Variants in MEX3C observed in about 807,000 individuals in gnomAD.
MEX3C encodes RNA-binding E3 ubiquitin-protein ligase MEX3C.
Under a neutral mutation model 35.5 loss-of-function variants are expected in MEX3C, and 15 were observed. The ratio of observed to expected loss-of-function variants is 0.42; its 90% CI spans 0.28 to 0.65. The LOEUF (loss-of-function observed/expected upper bound fraction) is 0.65. MEX3C is among the 30% of genes least tolerant of loss of function. MEX3C has a pLI of 0.20. For synonymous variants in MEX3C, 390 were observed against 352.8 expected (o/e 1.11, Z -1.18); for missense variants, 711 against 842.8 (o/e 0.84, Z 1.94).
At chr18:51,195,663 A>G (rs1244361240) in intron 1 of MEX3C, 3 of 152,170 alleles carry the variant, frequency 2.0e-5, no homozygotes, top group Admixed American at 6.5e-5. Flanking sequence ...ATGCTACCAT[A>G]AAGAACTTAG....
chr18:51,196,588 CGACGTGCTCGGAGCTGGGCACCGG>C lies in MEX3C; in HGVS notation c.709_732del (p.Pro237_Val244del), dbSNP rs1912794443. On this transcript the variant is annotated inframe_deletion, in exon 1 of 2. Coordinates refer to ENST00000406189, the MANE Select transcript of MEX3C (RefSeq NM_016626.5). ...TCACCCTGGCGGCCGACGATCTCGGCGACGTGCTCGGAGCTGGGCACCGGGACGCACTCGGTGGTGTTGACGCTC... is the reference window on the plus strand; with the variant it reads ...TCACCCTGGCGGCCGACGATCTCGGCGACGCACTCGGTGGTGTTGACGCTC... 6.3e-7 allele frequency: 1 copy of C among 1,591,364 alleles called. No individual in the cohort carries two copies.
chr18:51,197,661 G>T lies in MEX3C; in HGVS notation c.-341C>A, dbSNP rs1336890548. 6.6e-6 allele frequency among the ~76,000 whole-genome samples: 1 copy of T among 150,696 alleles called. No homozygotes were observed. Among genetic ancestry groups the T allele is most frequent in the South Asian group, 2.1e-4 (1 of 4,770 alleles). The stretch of plus-strand genomic sequence containing the variant: ...CGGCGCGCGCGGCGGCGGCGGCTAC[G>T]CCCCACGCCGCTCTCCGAATGAAGC... On this transcript the variant is annotated 5_prime_UTR_variant, in exon 1 of 2. Coordinates refer to ENST00000406189, the MANE Select transcript of MEX3C (RefSeq NM_016626.5).
chr18:51,184,579 G>T (rs1268826372), intron 1 of MEX3C, among the ~76,000 whole-genome samples: 1 of 152,150 alleles, frequency 6.6e-6, no homozygotes, highest in Non-Finnish European at 1.5e-5. Context: ...GCTTTTGGCT[G>T]TGTGTGATGC....
chr18:51,180,759 G>A (rs976837118), intron 1 of MEX3C, among the ~76,000 whole-genome samples: 3 of 152,102 alleles, frequency 2.0e-5, no homozygotes, highest in Non-Finnish European at 4.4e-5. Context: ...CTGGGATTAC[G>A]GGCGTGAGCC....
chr18:51,187,886 AC>A (rs1912573859), intron 1 of MEX3C, among the ~76,000 whole-genome samples: 1 of 152,350 alleles, frequency 6.6e-6, no homozygotes, highest in African/African-American at 2.4e-5. Flanking sequence ...CACATAAAAT[AC>A]TGTATTAAGG....
chr18:51,193,951 A>T (rs1912715335), intron 1 of MEX3C: 1 of 152,252 alleles, frequency 6.6e-6, no homozygotes, highest in Admixed American at 6.5e-5. Context: ...ATCAATTAAG[A>T]GATGTCAAAT....
intron 1 of MEX3C, chr18:51,194,247 G>T (rs1479820995): frequency 6.6e-6 from 1 of 152,204 alleles, no homozygotes; most frequent in Non-Finnish European, 1.5e-5. Flanking sequence ...AAGTTGTATG[G>T]TTCAGAACAG....
At position 51,196,610 on chromosome 18, in the gene MEX3C, C is replaced by A. The variant is rs146793433; in HGVS notation, c.711G>T (p.Pro237=). 39 of 1,593,116 alleles carry A rather than the reference C, an allele frequency of 2.4e-5. No individual in the cohort carries two copies. The highest frequency in any genetic ancestry group is 3.3e-5 in the Non-Finnish European group (39 of 1,175,088). The change falls in exon 1 of 2, where the codon CCG becomes CCT. Residue 237 remains proline, a synonymous_variant. Transcript: ENST00000406189. The part of the protein sequence containing the change: ...RKSVNTTECV[P]VPSSEHVAEI... ...CGGCGACGTGCTCGGAGCTGGGCAC[C>A]GGGACGCACTCGGTGGTGTTGACGC...
Position 51,196,641 on chromosome 18 carries a change from C to T in MEX3C, c.680G>A (p.Arg227Lys). 1.9e-6 allele frequency: 3 copies of T among 1,582,180 alleles called. No homozygotes were observed. The highest frequency in any genetic ancestry group is 1.7e-6 in the Non-Finnish European group (2 of 1,170,048). ...LNGEQAALLR[R>K]KSVNTTECVP... ...GCACTCGGTGGTGTTGACGCTCTTTCTCCGGAGCAGGGCCGCCTGCTCCCC... is the reference window on the plus strand; with the variant it reads ...GCACTCGGTGGTGTTGACGCTCTTTTTCCGGAGCAGGGCCGCCTGCTCCCC... Residue 227 changes from arginine to lysine, a missense_variant, in exon 1 of 2, where the codon AGA becomes AAA. Transcript: ENST00000406189.
chr18:51,191,040 A>C (rs1331300783), intron 1 of MEX3C, among the ~76,000 whole-genome samples: 2 of 152,168 alleles, frequency 1.3e-5, no homozygotes, highest in African/African-American at 4.8e-5. Flanking sequence ...TTTTATTTTT[A>C]AGTGCAAATA....
At chr18:51,180,786 A>G (rs1912411130) in intron 1 of MEX3C, among the ~76,000 whole-genome samples, 1 of 152,210 alleles carries the variant, frequency 6.6e-6, no homozygotes, top group Non-Finnish European at 1.5e-5. Context: ...CCTGGCCACC[A>G]ACCCAGTTTA....
intron 1 of MEX3C, among the ~76,000 whole-genome samples, chr18:51,184,558 T>C (rs529166326): frequency 1.1e-4 from 17 of 152,146 alleles, no homozygotes; most frequent in Non-Finnish European, 2.2e-4. Flanking sequence ...CAAGAATTAT[T>C]GTAAGAAGTA....
At position 51,188,029 on chromosome 18, in the gene MEX3C, G is replaced by A. The variant is rs182176265; in HGVS notation, c.754+8538C>T. On this transcript the variant is annotated intron_variant, in intron 1 of 1. Transcript: ENST00000406189. ...ACACAACATTAATTCAACATTTTAA[G>A]TAATAATTTAAGAATGCAATGTATT... Among the ~76,000 whole-genome samples, 43 of 152,234 alleles carry A rather than the reference G, an allele frequency of 2.8e-4. No homozygotes were observed. The East Asian group carries it at 7.7e-3, about 27-fold the overall frequency.
chr18:51,195,948 G>C (rs1254940115), intron 1 of MEX3C: 1 of 152,992 alleles, frequency 6.5e-6, no homozygotes, highest in Non-Finnish European at 1.5e-5. Context: ...GTGTCTTTCC[G>C]AGAGTTGAAA....
At chr18:51,191,174 T>C (rs1410788117) in intron 1 of MEX3C, among the ~76,000 whole-genome samples, 1 of 152,214 alleles carries the variant, frequency 6.6e-6, no homozygotes, top group Non-Finnish European at 1.5e-5. Context: ...AAAATAGTAC[T>C]GTAGTAGTCA....
intron 1 of MEX3C, among the ~76,000 whole-genome samples, chr18:51,188,625 T>C (rs1255242895): frequency 6.7e-6 from 1 of 149,648 alleles, no homozygotes; most frequent in Non-Finnish European, 1.5e-5. Context: ...AAAAAAATGC[T>C]GGGAATAAAG....
Position 51,197,006 on chromosome 18 carries a change from C to G in MEX3C, c.315G>C (p.Glu105Asp). The G allele has an allele frequency of 6.5e-7, 1 of 1,527,964 alleles. No individual in the cohort carries two copies. The highest frequency in any genetic ancestry group is 1.4e-5 in the African/African-American group (1 of 70,312). 94.7% of individuals were successfully genotyped at this position (1,527,964 alleles called of 1,614,324 possible). Residue 105 changes from glutamate (E) to aspartate (D), a missense_variant, in exon 1 of 2, where the codon GAG (glutamate) becomes GAC (aspartate). Coordinates refer to ENST00000406189, the MANE Select transcript of MEX3C (RefSeq NM_016626.5). ...CCTCCTCGTCCTCTTCCAGCTCCAG[C>G]TCGGCCGCCTCCGGGGCCCCGGGCC... ...PGRPGAPEAA[E>D]LELEEDEEEG...
rs564713777 is a variant in MEX3C, at chr18:51,176,710, T to G, written c.1621A>C (p.Thr541Pro). Reference protein sequence around the residue: ...KTQRRGSQPSTPRLSPTFPES... With the variant: ...KTQRRGSQPSPPRLSPTFPES... ...GGAAATGTAGGAGACAGACGAGGAG[T>G]AGATGGCTGACTTCCTCTGCGCTGA... The change falls in exon 2 of 2, where the codon ACT becomes CCT. Residue 541 changes from threonine to proline, a missense_variant. Around this residue, in one of 4 missense-constraint regions of MEX3C, gnomAD observed 187 missense variants for 201.7 expected, o/e 0.93. Coordinates refer to ENST00000406189, the MANE Select transcript of MEX3C (RefSeq NM_016626.5). 1.9e-6 allele frequency: 3 copies of G among 1,613,604 alleles called. No individual in the cohort carries two copies. Among genetic ancestry groups the G allele is most frequent in the African/African-American group, 2.7e-5 (2 of 74,898 alleles).
At chr18:51,195,025 A>C (rs1236189640) in intron 1 of MEX3C, 2 of 152,106 alleles carry the variant, frequency 1.3e-5, no homozygotes, top group Non-Finnish European at 2.9e-5. Context: ...TGTTTATTAG[A>C]CTGTTATCTT....
Sources: gnomAD v4.1 joint callset for allele counts (sites outside exome capture counted in the v4.1 genomes callset) on GRCh38, gnomAD v4.1.1 for gene constraint, gnomAD v4.1.1 regional missense constraint, MANE v1.5 for transcripts, NCBI Gene and HGNC (gene_info 2026-07-23, HGNC 2026-07-21) for gene names.